NFIA: variants seen among roughly 807,000 people sequenced by gnomAD.
The protein encoded by NFIA is nuclear factor 1 A-type.
NFIA carries 8 observed loss-of-function variants against 62.8 expected under a neutral mutation model. The ratio of observed to expected loss-of-function variants is 0.13; its 90% CI spans 0.07 to 0.23. NFIA has a LOEUF of 0.23. NFIA is among the 10% of genes least tolerant of loss of function. The pLI is 1.00. For synonymous variants in NFIA, 235 were observed against 238.1 expected (o/e 0.99, Z 0.12); for missense variants, 410 against 642.1 (o/e 0.64, Z 3.91).
intron 2 of NFIA, among the ~76,000 whole-genome samples, chr1:61,194,999 T>A (rs1228010670): frequency 6.6e-6 from 1 of 152,186 alleles, no homozygotes. Flanking sequence ...TATGGCTCTT[T>A]TCTGTAGCTT....
chr1:61,365,369 CT>C (rs1252726551), intron 6 of NFIA, among the ~76,000 whole-genome samples: 3 of 152,176 alleles, frequency 2.0e-5, no homozygotes, highest in African/African-American at 7.2e-5. Context: ...GCCACCTTAA[CT>C]TTAAATGTCA....
chr1:61,373,468 C>T (rs144184018), intron 6 of NFIA, among the ~76,000 whole-genome samples: 215 of 152,194 alleles, frequency 1.4e-3, no homozygotes, highest in Non-Finnish European at 2.7e-3. Context: ...ATCCAAGGAA[C>T]ACTGGAATTA....
Position 61,435,228 on chromosome 1 carries a change from G to A in NFIA, c.1512+8672G>A, listed in dbSNP as rs189928936. Among the ~76,000 whole-genome samples the A allele has an allele frequency of 1.4e-3, 210 of 152,310 alleles. 1 individual carries two copies. Among genetic ancestry groups the A allele is most frequent in the Non-Finnish European group, 1.5e-3 (100 of 68,022 alleles). Reference sequence around the variant, plus strand: ...AGACCTGTTCTGACATCCTGGCTGTGCCATTTATCTCAGTGATCTTGTGTA... The same window carrying A: ...AGACCTGTTCTGACATCCTGGCTGTACCATTTATCTCAGTGATCTTGTGTA... On this transcript the variant is annotated intron_variant, in intron 10 of 10. Transcript: ENST00000403491.
chr1:61,146,619 C>T (rs948309590), intron 2 of NFIA, among the ~76,000 whole-genome samples: 7 of 152,152 alleles, frequency 4.6e-5, no homozygotes, highest in Non-Finnish European at 8.8e-5. Flanking sequence ...TTGTATAGTA[C>T]TCTGTGTTTG....
At chr1:61,227,518 A>G (rs570466614) in intron 2 of NFIA, among the ~76,000 whole-genome samples, 5 of 152,290 alleles carry the variant, frequency 3.3e-5, no homozygotes, top group African/African-American at 1.2e-4. Context: ...CGTAAAAATT[A>G]TATAATGCCT....
intron 8 of NFIA, 127 bp downstream of exon 8, chr1:61,404,409 A>G (rs573510669): frequency 6.2e-6 from 6 of 968,450 alleles, no homozygotes; most frequent in Non-Finnish European, 9.0e-6. Context: ...GGCAAATGTC[A>G]TATTTATTCT....
At chr1:61,282,059 C>G (rs546613209) in intron 3 of NFIA, among the ~76,000 whole-genome samples, 5 of 152,056 alleles carry the variant, frequency 3.3e-5, no homozygotes, top group Non-Finnish European at 5.9e-5. Context: ...GAAGGCTGTC[C>G]TCAGACACAT....
chr1:61,329,880 A>G (rs1192912229), intron 3 of NFIA, among the ~76,000 whole-genome samples: 1 of 152,202 alleles, frequency 6.6e-6, no homozygotes, highest in African/African-American at 2.4e-5. Flanking sequence ...GATGATAGAC[A>G]GCACAGTTAG....
chr1:61,216,869 G>A (rs1653659797), intron 2 of NFIA, among the ~76,000 whole-genome samples: 1 of 151,622 alleles, frequency 6.6e-6, no homozygotes, highest in Non-Finnish European at 1.5e-5. Context: ...GCGTGGTGGT[G>A]GGTGCCTGTA....
At position 61,391,006 on chromosome 1, in the gene NFIA, A is replaced by G. The variant is rs140538297; in HGVS notation, c.1075+7641A>G. On this transcript the variant is annotated intron_variant, in intron 7 of 10. Coordinates refer to ENST00000403491, the MANE Select transcript of NFIA (RefSeq NM_001134673.4). ...AGCAGCACGTAGAAAGAGGCATGGC[A>G]TGTTTAAGTGCTCAGTATATATTTG... Among the ~76,000 whole-genome samples the G allele has an allele frequency of 2.4e-4, 37 of 152,246 alleles. 1 individual carries two copies. The highest frequency in any genetic ancestry group is 4.1e-4 in the Non-Finnish European group (28 of 68,022).
chr1:61,269,855 T>C (rs1342343441), intron 2 of NFIA, among the ~76,000 whole-genome samples: 3 of 152,328 alleles, frequency 2.0e-5, no homozygotes, highest in Non-Finnish European at 4.4e-5. Context: ...CTGCTACAAT[T>C]TGCTGCAGAG....
chr1:61,398,202 C>T (rs1283212683), intron 7 of NFIA, among the ~76,000 whole-genome samples: 1 of 152,206 alleles, frequency 6.6e-6, no homozygotes, highest in Non-Finnish European at 1.5e-5. Flanking sequence ...CAGCGGAGTT[C>T]AGCAGTTGCA....
chr1:61,170,475 A>G (rs112658988), intron 2 of NFIA, among the ~76,000 whole-genome samples: 1 of 152,162 alleles, frequency 6.6e-6, no homozygotes, highest in Non-Finnish European at 1.5e-5. Context: ...GCTTGCTAAT[A>G]AATAGCCTTG....
chr1:61,410,496 A>G (rs1666049804), intron 9 of NFIA, among the ~76,000 whole-genome samples: 2 of 152,224 alleles, frequency 1.3e-5, no homozygotes, highest in African/African-American at 4.8e-5. Context: ...TCAGCATCCC[A>G]ACAGTTTGAT....
At chr1:61,112,345 T>C (rs1486228048) in intron 2 of NFIA, among the ~76,000 whole-genome samples, 1 of 152,164 alleles carries the variant, frequency 6.6e-6, no homozygotes, top group East Asian at 1.9e-4. Flanking sequence ...AAAATCAAGG[T>C]ACAGTATCAT....
chr1:61,209,203 A>T (rs1653086596), intron 2 of NFIA, among the ~76,000 whole-genome samples: 1 of 152,144 alleles, frequency 6.6e-6, no homozygotes, highest in African/African-American at 2.4e-5. Context: ...AGGAAAAGTA[A>T]TACTTGAGAG....
chr1:61,381,516 AG>A (rs888300510), intron 6 of NFIA, among the ~76,000 whole-genome samples: 37 of 152,196 alleles, frequency 2.4e-4, no homozygotes, highest in African/African-American at 8.7e-4. Flanking sequence ...ATGTTGATCT[AG>A]AAAGGATCTG....
At chr1:61,392,028 T>C (rs747899775) in intron 7 of NFIA, among the ~76,000 whole-genome samples, 4 of 152,128 alleles carry the variant, frequency 2.6e-5, no homozygotes, top group Non-Finnish European at 4.4e-5. Flanking sequence ...CCAAGAAGAA[T>C]TGCCAGAATT....
chr1:61,159,694 T>C (rs1649050775), intron 2 of NFIA, among the ~76,000 whole-genome samples: 1 of 150,230 alleles, frequency 6.7e-6, no homozygotes, highest in African/African-American at 2.5e-5. Flanking sequence ...TTTTTTTTTT[T>C]TTTTTGAGAT....
Sources: allele counts gnomAD v4.1 joint callset (sites outside exome capture counted in the v4.1 genomes callset), GRCh38; gene constraint gnomAD v4.1.1; transcripts MANE v1.5; gene names NCBI Gene and HGNC (gene_info 2026-07-23, HGNC 2026-07-21).